The following CPNE4 variants were observed in gnomAD, a reference collection of about 807,000 sequenced individuals.
CPNE4 encodes copine-4.
In CPNE4, 25 loss-of-function variants were observed where a neutral mutation model predicts 67.9. The observed-to-expected ratio is 0.37, with a 90% CI of 0.27 to 0.51. The LOEUF (loss-of-function observed/expected upper bound fraction) is 0.51. Ranked by LOEUF, CPNE4 falls within the 20% of genes least tolerant of loss-of-function variation. CPNE4 has a pLI of 0.93. For synonymous variants in CPNE4, 242 were observed against 244.9 expected, an observed-to-expected ratio of 0.99 and a Z score of 0.11; for missense variants, 464 against 690.8, an observed-to-expected ratio of 0.67 and a Z score of 3.68.
intron 3 of CPNE4, among the ~76,000 whole-genome samples, chr3:131,718,293 C>A (rs1393616774): frequency 6.6e-6 from 1 of 152,134 alleles, no homozygotes; most frequent in Non-Finnish European, 1.5e-5. Context: ...CCAAAGTGAT[C>A]TTTCTAATAT....
chr3:131,887,137 G>C (rs1227862084), intron 2 of CPNE4, among the ~76,000 whole-genome samples: 1 of 152,196 alleles, frequency 6.6e-6, no homozygotes, highest in Admixed American at 6.5e-5. Context: ...GAGGGACCCA[G>C]TGGGAGATAA....
intron 2 of CPNE4, among the ~76,000 whole-genome samples, chr3:131,734,076 C>A (rs1295067224): frequency 6.6e-6 from 1 of 152,190 alleles, no homozygotes; most frequent in Non-Finnish European, 1.5e-5. Context: ...TTCACCAAGT[C>A]CTTTAGAATC....
At chr3:131,991,847 T>A (rs1296093876) in intron 1 of CPNE4, among the ~76,000 whole-genome samples, 1 of 136,004 alleles carries the variant, frequency 7.4e-6, no homozygotes, top group African/African-American at 2.5e-5. Context: ...TCCAAGCTGC[T>A]TCAGCTCCAG....
At chr3:132,018,801 T>C (rs1202803454) in intron 1 of CPNE4, among the ~76,000 whole-genome samples, 3 of 152,174 alleles carry the variant, frequency 2.0e-5, no homozygotes, top group African/African-American at 7.2e-5. Context: ...TACCACATCA[T>C]TGTCATGAAA....
At chr3:131,673,907 G>A (rs1191319549) in intron 6 of CPNE4, among the ~76,000 whole-genome samples, 1 of 152,044 alleles carries the variant, frequency 6.6e-6, no homozygotes, top group African/African-American at 2.4e-5. Flanking sequence ...TAGAGGAAAG[G>A]CTTTCAGTTT....
intron 15 of CPNE4, 72 bp downstream of exon 15, chr3:131,542,485 G>T: frequency 1.0e-6 from 1 of 998,878 alleles, no homozygotes; most frequent in Non-Finnish European, 1.6e-6. Context: ...AACATTGGTG[G>T]ACAAATGTGG....
At chr3:131,713,441 G>C (rs11716512) in intron 3 of CPNE4, among the ~76,000 whole-genome samples, 13,465 of 152,176 alleles carry the variant, frequency 0.088, 808 homozygotes, top group Non-Finnish European at 0.12. Context: ...GTAGTGGAAG[G>C]GGGAGAGAGT....
intron 2 of CPNE4, among the ~76,000 whole-genome samples, chr3:131,796,787 G>A (rs1033732243): frequency 1.3e-5 from 2 of 152,162 alleles, no homozygotes; most frequent in African/African-American, 4.8e-5. Flanking sequence ...CACTCAAAGA[G>A]CATCAGTGCC....
chr3:131,848,375 T>G (rs1254156711), intron 2 of CPNE4, among the ~76,000 whole-genome samples: 4 of 152,172 alleles, frequency 2.6e-5, no homozygotes, highest in Admixed American at 2.6e-4. Context: ...TTCTCCCTAC[T>G]TTATCTCATC....
At chr3:131,653,658 G>C (rs1326918905) in intron 7 of CPNE4, among the ~76,000 whole-genome samples, 1 of 152,092 alleles carries the variant, frequency 6.6e-6, no homozygotes, top group Non-Finnish European at 1.5e-5. Flanking sequence ...CACTAACCTT[G>C]TCATATTTTT....
chr3:131,952,420 T>C (rs1337655991), intron 1 of CPNE4, among the ~76,000 whole-genome samples: 2 of 148,002 alleles, frequency 1.4e-5, no homozygotes, highest in African/African-American at 2.5e-5. Context: ...CCACCCCATC[T>C]GGGAAGTGAG....
chr3:131,606,382 A>G (rs1309650815), intron 7 of CPNE4, among the ~76,000 whole-genome samples: 1 of 152,158 alleles, frequency 6.6e-6, no homozygotes, highest in Non-Finnish European at 1.5e-5. Flanking sequence ...CTAACCAATC[A>G]TACATGAATG....
intron 2 of CPNE4, among the ~76,000 whole-genome samples, chr3:131,734,149 A>T (rs1261772725): frequency 6.6e-6 from 1 of 152,164 alleles, no homozygotes; most frequent in Non-Finnish European, 1.5e-5. Context: ...TAGTCCCCTG[A>T]TCCAAGTGGA....
At chr3:131,944,610 A>C (rs1392684871) in intron 1 of CPNE4, among the ~76,000 whole-genome samples, 1 of 152,068 alleles carries the variant, frequency 6.6e-6, no homozygotes, top group Non-Finnish European at 1.5e-5. Context: ...CTCTCCCTAC[A>C]GATGACTGCA....
At chr3:131,958,484 A>G (rs1392365709) in intron 1 of CPNE4, among the ~76,000 whole-genome samples, 1 of 152,186 alleles carries the variant, frequency 6.6e-6, no homozygotes, top group Non-Finnish European at 1.5e-5. Flanking sequence ...ATTCTGATGC[A>G]GTTGATGTTT....
chr3:131,745,373 T>C (rs2082463049), intron 2 of CPNE4, among the ~76,000 whole-genome samples: 1 of 152,096 alleles, frequency 6.6e-6, no homozygotes, highest in South Asian at 2.1e-4. Context: ...GTAGTTTGTC[T>C]TTTCCTCCTT....
chr3:131,912,394 G>C (rs2086919572), intron 1 of CPNE4, among the ~76,000 whole-genome samples: 1 of 152,020 alleles, frequency 6.6e-6, no homozygotes, highest in African/African-American at 2.4e-5. Flanking sequence ...TCAAGAATAA[G>C]TGCATAATCA....
chr3:131,777,258 C>T (rs1032308964), intron 2 of CPNE4, among the ~76,000 whole-genome samples: 15 of 152,022 alleles, frequency 9.9e-5, no homozygotes, highest in African/African-American at 3.6e-4. Context: ...GAAAAGCTTT[C>T]AATGCACTCT....
intron 11 of CPNE4, among the ~76,000 whole-genome samples, chr3:131,562,898 C>T (rs1286914946): frequency 6.6e-6 from 1 of 151,906 alleles, no homozygotes; most frequent in Non-Finnish European, 1.5e-5. Context: ...GACTTTTTTC[C>T]TGGATGTACA....
Sources: allele counts gnomAD v4.1 joint callset (sites outside exome capture counted in the v4.1 genomes callset), GRCh38; gene constraint gnomAD v4.1.1; transcripts MANE v1.5; gene names NCBI Gene and HGNC (gene_info 2026-07-23, HGNC 2026-07-21).